Variants in PIGU observed in about 807,000 individuals in gnomAD.
The protein encoded by PIGU is GPI-anchor transamidase component PIGU.
A neutral mutation model predicts 49.9 loss-of-function variants in PIGU; 24 were observed. The observed-to-expected ratio is 0.48, with a 90% CI of 0.35 to 0.68. The LOEUF (loss-of-function observed/expected upper bound fraction) is 0.68. PIGU is among the 30% of genes least tolerant of loss of function. PIGU has a pLI of 0.01. For missense variants in PIGU, 490 were observed against 532.6 expected, an observed-to-expected ratio of 0.92 and a Z score of 0.79; for synonymous variants, 220 against 205.7, an observed-to-expected ratio of 1.07 and a Z score of -0.59.
intron 1 of PIGU, among the ~76,000 whole-genome samples, chr20:34,663,393 A>T (rs912478502): frequency 2.0e-5 from 3 of 152,004 alleles, no homozygotes; most frequent in Non-Finnish European, 4.4e-5. Context: ...GGGAAGATCA[A>T]TTGAGCCCAG....
rs547805488 is a variant in PIGU at position 34,581,675 on chromosome 20, GGGGCA to G, written c.927-8_927-4del. ...ACATGAAGAAGATGGGGTGCTCCCT[GGGGCA>G]GGGCAGGGGAAAGAGAGAGAGAGAT... On this transcript the variant is annotated splice_polypyrimidine_tract_variant and splice_region_variant and intron_variant, in intron 9 of 11. Transcript: ENST00000217446. 838 of 1,603,030 alleles carry G rather than the reference GGGGCA, an allele frequency of 5.2e-4. 3 individuals carry two copies. In the African/African-American group the frequency reaches 0.011, roughly 20 times the overall value.
chr20:34,562,314 C>T, intron 11 of PIGU: 11 of 757,836 alleles, frequency 1.5e-5, no homozygotes, highest in Non-Finnish European at 1.8e-5. Flanking sequence ...TGGCACCAAC[C>T]ACCTGGCACA....
chr20:34,576,620 T>A (rs78087070), intron 10 of PIGU, among the ~76,000 whole-genome samples: 3 of 152,172 alleles, frequency 2.0e-5, no homozygotes, highest in Non-Finnish European at 2.9e-5. Context: ...ATCTTTTTTT[T>A]AAAATAGACT....
chr20:34,644,326 C>T, intron 3 of PIGU, 100 bp from the exon 4 acceptor site: 1 of 931,824 alleles, frequency 1.1e-6, no homozygotes. Flanking sequence ...GATGGACTAC[C>T]AAGTACTGGA....
intron 11 of PIGU, among the ~76,000 whole-genome samples, chr20:34,563,806 T>C (rs944223626): frequency 2.0e-5 from 3 of 152,166 alleles, no homozygotes; most frequent in African/African-American, 7.2e-5. Context: ...AACTTTACAG[T>C]GGAGAGACCT....
intron 7 of PIGU, among the ~76,000 whole-genome samples, chr20:34,604,621 AC>A (rs1656197910): frequency 6.6e-6 from 1 of 152,176 alleles, no homozygotes; most frequent in Non-Finnish European, 1.5e-5. Flanking sequence ...AGCAGAAATA[AC>A]AGAAAGTGAC....
intron 8 of PIGU, among the ~76,000 whole-genome samples, chr20:34,586,079 C>T (rs2295444): frequency 0.44 from 67,106 of 151,926 alleles, 15,369 homozygotes; most frequent in Non-Finnish European, 0.5. Flanking sequence ...TAGGAACAAT[C>T]GGTGGGTTCT....
chr20:34,596,499 G>A (rs540608778), intron 7 of PIGU, among the ~76,000 whole-genome samples: 19 of 152,196 alleles, frequency 1.2e-4, no homozygotes, highest in African/African-American at 2.9e-4. Context: ...TAACATTAGC[G>A]GAAGTGGAGT....
intron 1 of PIGU, among the ~76,000 whole-genome samples, chr20:34,658,394 C>T (rs1292060822): frequency 6.6e-6 from 1 of 152,220 alleles, no homozygotes; most frequent in Non-Finnish European, 1.5e-5. Context: ...GCCGAGATTG[C>T]AGCCTCTGCC....
chr20:34,634,848 A>T (rs571610472), intron 5 of PIGU, 133 bp from the exon 6 acceptor site: 1 of 1,408,050 alleles, frequency 7.1e-7, no homozygotes, highest in Non-Finnish European at 9.3e-7. Flanking sequence ...GAGTTCCCCC[A>T]AATAAAAGAG....
At chr20:34,577,045 T>G (rs1160768177) in intron 10 of PIGU, among the ~76,000 whole-genome samples, 1 of 152,128 alleles carries the variant, frequency 6.6e-6, no homozygotes, top group African/African-American at 2.4e-5. Flanking sequence ...CACACTGTAC[T>G]TTTTCCCCCG....
At chr20:34,578,647 T>G (rs559990935) in intron 10 of PIGU, among the ~76,000 whole-genome samples, 1 of 152,152 alleles carries the variant, frequency 6.6e-6, no homozygotes, top group African/African-American at 2.4e-5. Flanking sequence ...TACATTCCCA[T>G]GCGGCTAGAG....
intron 6 of PIGU, among the ~76,000 whole-genome samples, chr20:34,619,754 G>A (rs1985138399): frequency 6.6e-6 from 1 of 152,174 alleles, no homozygotes; most frequent in Admixed American, 6.6e-5. Flanking sequence ...CTAGCCAAAT[G>A]GACTTGTGAG....
intron 11 of PIGU, among the ~76,000 whole-genome samples, chr20:34,566,901 GGAGA>G (rs993321059): frequency 1.3e-5 from 2 of 152,044 alleles, no homozygotes; most frequent in East Asian, 1.9e-4. Context: ...GTCACTCAGT[GGAGA>G]GAGAGAGAGA....
chr20:34,622,623 C>G (rs562670883), intron 6 of PIGU, among the ~76,000 whole-genome samples: 11 of 152,254 alleles, frequency 7.2e-5, no homozygotes, highest in African/African-American at 2.6e-4. Context: ...AAAACATCTA[C>G]CTACAGGCCC....
chr20:34,601,567 G>A (rs1206368490), intron 7 of PIGU, among the ~76,000 whole-genome samples: 1 of 152,120 alleles, frequency 6.6e-6, no homozygotes, highest in Admixed American at 6.6e-5. Flanking sequence ...CCAGGGGAAA[G>A]AACACCCAGG....
chr20:34,594,877 G>C (rs1984131575), intron 7 of PIGU, among the ~76,000 whole-genome samples: 1 of 152,010 alleles, frequency 6.6e-6, no homozygotes, highest in East Asian at 1.9e-4. Flanking sequence ...CGGATCACGA[G>C]GTCAGGAGAT....
Position 34,621,662 on chromosome 20 carries a change from T to G in PIGU, c.530-5523A>C, listed in dbSNP as rs781076925. Among the ~76,000 whole-genome samples the G allele has an allele frequency of 1.1e-4, 16 of 151,684 alleles. 1 individual carries two copies. Among genetic ancestry groups the G allele is most frequent in the Non-Finnish European group, 2.2e-4 (15 of 67,940 alleles). ...AAAGCTTGAAGGGGTAAAAAGGAGTTAGGAAGGCAGAGGAGGAATGATATG... is the reference window on the plus strand; with the variant it reads ...AAAGCTTGAAGGGGTAAAAAGGAGTGAGGAAGGCAGAGGAGGAATGATATG... On this transcript the variant is annotated intron_variant, in intron 6 of 11. Coordinates refer to ENST00000217446, the MANE Select transcript of PIGU (RefSeq NM_080476.5).
At chr20:34,615,419 G>A (rs991420214) in intron 7 of PIGU, among the ~76,000 whole-genome samples, 4 of 152,170 alleles carry the variant, frequency 2.6e-5, no homozygotes, top group Non-Finnish European at 4.4e-5. Flanking sequence ...GCTCAGAGGG[G>A]ATCACTAGTT....
Sources: allele counts gnomAD v4.1 joint callset (sites outside exome capture counted in the v4.1 genomes callset), GRCh38; gene constraint gnomAD v4.1.1; transcripts MANE v1.5; gene names NCBI Gene and HGNC (gene_info 2026-07-23, HGNC 2026-07-21).